The following UNC13B variants were observed in gnomAD, a reference collection of about 807,000 sequenced individuals.
UNC13B encodes protein unc-13 homolog B.
UNC13B carries 144 observed loss-of-function variants against 211.0 expected under a neutral mutation model. That is an observed-to-expected ratio of 0.68 (90% CI 0.60 to 0.78). UNC13B has a LOEUF of 0.78. Ranked by LOEUF, UNC13B falls within the 30% of genes least tolerant of loss-of-function variation. The probability of loss-of-function intolerance (pLI) is 0.00; values close to 1 mark genes in which losing one functional copy is unlikely to be tolerated. For missense variants in UNC13B, 1,777 were observed against 2,002.0 expected (o/e 0.89, Z 2.14); for synonymous variants, 709 against 725.8 (o/e 0.98, Z 0.37).
intron 11 of UNC13B, among the ~76,000 whole-genome samples, chr9:35,337,750 A>G (rs1018611031): frequency 6.6e-6 from 1 of 152,258 alleles, no homozygotes; most frequent in Non-Finnish European, 1.5e-5. Context: ...GGTTAGGGAC[A>G]TATTTCCACA....
At chr9:35,174,419 G>A (rs1378732534) in intron 1 of UNC13B, among the ~76,000 whole-genome samples, 1 of 151,916 alleles carries the variant, frequency 6.6e-6, no homozygotes, top group African/African-American at 2.4e-5. Context: ...CTGCCTCCTG[G>A]GTTCAAGCGA....
At chr9:35,167,743 A>T (rs1263026256) in intron 1 of UNC13B, among the ~76,000 whole-genome samples, 2 of 147,876 alleles carry the variant, frequency 1.4e-5, no homozygotes, top group African/African-American at 5.0e-5. Flanking sequence ...GCCTGCCACC[A>T]TGCCTGGCTA....
intron 1 of UNC13B, among the ~76,000 whole-genome samples, chr9:35,198,439 A>G (rs1823067944): frequency 6.6e-6 from 1 of 152,222 alleles, no homozygotes; most frequent in Non-Finnish European, 1.5e-5. Flanking sequence ...TACAGCCTAC[A>G]GAACTGTGGG....
At chr9:35,351,289 A>G in intron 11 of UNC13B, 1 of 1,192,032 alleles carries the variant, frequency 8.4e-7, no homozygotes, top group Non-Finnish European at 1.0e-6. Flanking sequence ...TTCCTTTTTC[A>G]CTAGCTACAG....
intron 11 of UNC13B, among the ~76,000 whole-genome samples, chr9:35,317,709 T>TA (rs1491469269): frequency 1.4e-5 from 2 of 145,756 alleles, no homozygotes; most frequent in Non-Finnish European, 3.0e-5. Context: ...TTTTTTTTTT[T>TA]AATTTTTAGT....
intron 7 of UNC13B, among the ~76,000 whole-genome samples, chr9:35,279,333 G>A (rs369206723): frequency 1.1e-4 from 16 of 152,164 alleles, no homozygotes; most frequent in African/African-American, 2.9e-4. Flanking sequence ...GCAGCATAAT[G>A]TTTTTGAGGT....
intron 1 of UNC13B, among the ~76,000 whole-genome samples, chr9:35,193,310 T>C (rs1418213250): frequency 6.6e-6 from 1 of 152,126 alleles, no homozygotes; most frequent in Non-Finnish European, 1.5e-5. Flanking sequence ...AAAATCCCCT[T>C]ACTAATTAAG....
chr9:35,280,625 G>A (rs1004658097), intron 7 of UNC13B, among the ~76,000 whole-genome samples: 2 of 152,196 alleles, frequency 1.3e-5, no homozygotes, highest in African/African-American at 4.8e-5. Context: ...TGTGGTATCA[G>A]TGGAAGCAGC....
At position 35,277,619 on chromosome 9, in the gene UNC13B, G is replaced by A. The variant is rs544417773; in HGVS notation, c.527-18077G>A. On this transcript the variant is annotated intron_variant, in intron 7 of 39. Coordinates refer to ENST00000635942, the MANE Select transcript of UNC13B (RefSeq NM_001371189.2). Reference sequence around the variant, plus strand: ...TTTGCAAAGGCTTTTATATTTTCTCGGGGGGTTCTTGTTCTTAGTGAGTAG... The same window carrying A: ...TTTGCAAAGGCTTTTATATTTTCTCAGGGGGTTCTTGTTCTTAGTGAGTAG... 5.3e-5 allele frequency among the ~76,000 whole-genome samples: 8 copies of A among 151,972 alleles called. No individual in the cohort carries two copies. In the East Asian group the frequency reaches 9.7e-4, roughly 18 times the overall value.
intron 16 of UNC13B, 76 bp downstream of exon 16, chr9:35,377,771 G>A (rs753000447): frequency 2.8e-4 from 400 of 1,445,400 alleles, no homozygotes; most frequent in African/African-American, 1.4e-3. Context: ...CATCCTGAGC[G>A]TGAGGGAGCA....
intron 7 of UNC13B, among the ~76,000 whole-genome samples, chr9:35,269,309 A>T (rs989944201): frequency 2.6e-5 from 4 of 152,212 alleles, no homozygotes; most frequent in Admixed American, 2.6e-4. Flanking sequence ...TAAAGGATAC[A>T]AACAAATAGC....
intron 7 of UNC13B, among the ~76,000 whole-genome samples, chr9:35,261,152 G>A (rs1827250250): frequency 6.6e-6 from 1 of 152,066 alleles, no homozygotes; most frequent in South Asian, 2.1e-4. Context: ...ACTAGGTTCA[G>A]TGACAAGCAT....
chr9:35,173,967 A>C (rs1012280323), intron 1 of UNC13B, among the ~76,000 whole-genome samples: 2 of 152,218 alleles, frequency 1.3e-5, no homozygotes, highest in Non-Finnish European at 1.5e-5. Context: ...AGTGATGGTG[A>C]AAATACCTAT....
chr9:35,202,504 A>C (rs906045352), intron 1 of UNC13B, among the ~76,000 whole-genome samples: 1 of 152,096 alleles, frequency 6.6e-6, no homozygotes, highest in African/African-American at 2.4e-5. Flanking sequence ...GTAGGTCTCT[A>C]AGGACTTGCT....
At chr9:35,374,837 T>A (rs550486854) in intron 13 of UNC13B, among the ~76,000 whole-genome samples, 2 of 152,326 alleles carry the variant, frequency 1.3e-5, no homozygotes, top group African/African-American at 4.8e-5. Flanking sequence ...AAGGAGTTTC[T>A]GTGGGGTAGG....
chr9:35,256,496 A>G (rs1426997023), intron 6 of UNC13B, among the ~76,000 whole-genome samples: 1 of 152,172 alleles, frequency 6.6e-6, no homozygotes, highest in Non-Finnish European at 1.5e-5. Context: ...TTATCAGATT[A>G]AGGAAATTCT....
At chr9:35,174,209 G>C (rs1397921311) in intron 1 of UNC13B, among the ~76,000 whole-genome samples, 3 of 152,072 alleles carry the variant, frequency 2.0e-5, no homozygotes, top group Non-Finnish European at 4.4e-5. Flanking sequence ...CCAGGCTGGA[G>C]TGCAGTGATT....
chr9:35,363,886 AT>A (rs1833595304), intron 11 of UNC13B, among the ~76,000 whole-genome samples: 1 of 152,156 alleles, frequency 6.6e-6, no homozygotes, highest in Non-Finnish European at 1.5e-5. Context: ...TGGTTTTATC[AT>A]CTAGATCACT....
intron 37 of UNC13B, chr9:35,401,921 A>G (rs553687727): frequency 5.2e-6 from 8 of 1,546,732 alleles, no homozygotes; most frequent in Non-Finnish European, 7.0e-6. Flanking sequence ...TGCTGCTGCT[A>G]CTACCTCTGA....
Sources: gnomAD v4.1 joint callset for allele counts (sites outside exome capture counted in the v4.1 genomes callset) on GRCh38, gnomAD v4.1.1 for gene constraint, MANE v1.5 for transcripts, NCBI Gene and HGNC (gene_info 2026-07-23, HGNC 2026-07-21) for gene names.